The following PAN3 variants were observed in gnomAD, a reference collection of about 807,000 sequenced individuals.
PAN3 encodes PAN2-PAN3 deadenylation complex subunit PAN3.
Under a neutral mutation model 96.2 loss-of-function variants are expected in PAN3, and 19 were observed. That is an observed-to-expected ratio of 0.20 (90% CI 0.14 to 0.29). PAN3 has a LOEUF of 0.29. PAN3 is among the 10% of genes least tolerant of loss of function. The pLI is 1.00. For synonymous variants in PAN3, 433 were observed against 406.6 expected (o/e 1.06, Z -0.78); for missense variants, 882 against 1,108.1 (o/e 0.80, Z 2.90).
chr13:28,246,579 C>G (rs956879902), intron 6 of PAN3, among the ~76,000 whole-genome samples: 1 of 152,140 alleles, frequency 6.6e-6, no homozygotes, highest in African/African-American at 2.4e-5. Flanking sequence ...AGTCCCCCAC[C>G]CACCAACACT....
chr13:28,193,736 T>TAA (rs35597675), intron 4 of PAN3, among the ~76,000 whole-genome samples: 4,625 of 107,970 alleles, frequency 0.043, 327 homozygotes, highest in African/African-American at 0.15. Context: ...GACCCTGACT[T>TAA]AAAAAAAAAA....
At chr13:28,255,844 A>G (rs1885095320) in intron 6 of PAN3, among the ~76,000 whole-genome samples, 1 of 151,912 alleles carries the variant, frequency 6.6e-6, no homozygotes, top group Non-Finnish European at 1.5e-5. Flanking sequence ...TAATACTGTA[A>G]TATATTTGGG....
At chr13:28,242,418 C>T (rs1171678573) in intron 6 of PAN3, among the ~76,000 whole-genome samples, 1 of 152,094 alleles carries the variant, frequency 6.6e-6, no homozygotes, top group Non-Finnish European at 1.5e-5. Context: ...CCCATCTACA[C>T]AGTGTGCCAT....
intron 17 of PAN3, among the ~76,000 whole-genome samples, chr13:28,286,080 T>C (rs1315123110): frequency 3.9e-5 from 6 of 152,222 alleles, no homozygotes; most frequent in Admixed American, 1.3e-4. Flanking sequence ...TATAGAATGT[T>C]GAACCTTTCT....
intron 5 of PAN3, among the ~76,000 whole-genome samples, chr13:28,209,955 T>C (rs1879841562): frequency 6.6e-6 from 1 of 152,074 alleles, no homozygotes; most frequent in East Asian, 1.9e-4. Flanking sequence ...TAATTGTTTT[T>C]AATTTTTAGT....
At chr13:28,147,326 G>A (rs977982141) in intron 1 of PAN3, among the ~76,000 whole-genome samples, 2 of 152,044 alleles carry the variant, frequency 1.3e-5, no homozygotes, top group Non-Finnish European at 2.9e-5. Flanking sequence ...ACGATGATTC[G>A]ACTTCCAGTT....
intron 4 of PAN3, among the ~76,000 whole-genome samples, chr13:28,181,532 CCAAAA>C (rs1435945682): frequency 6.8e-6 from 1 of 146,406 alleles, no homozygotes; most frequent in African/African-American, 2.5e-5. Flanking sequence ...AAAAAAAGGC[CCAAAA>C]CAAAACAAAG....
intron 7 of PAN3, among the ~76,000 whole-genome samples, chr13:28,260,137 C>G (rs370483409): frequency 2.6e-5 from 4 of 152,158 alleles, no homozygotes; most frequent in African/African-American, 9.6e-5. Context: ...TGGCTCACAC[C>G]TGTAATCCCA....
chr13:28,258,369 A>G (rs1466111592), intron 7 of PAN3, among the ~76,000 whole-genome samples: 2 of 152,252 alleles, frequency 1.3e-5, no homozygotes, highest in Admixed American at 6.5e-5. Context: ...TTGATTTTGT[A>G]TCATGGACCA....
chr13:28,193,405 T>C (rs1173368889), intron 4 of PAN3, among the ~76,000 whole-genome samples: 6 of 152,082 alleles, frequency 3.9e-5, no homozygotes, highest in Non-Finnish European at 5.9e-5. Flanking sequence ...CGTAATTTAA[T>C]GAGTGCAGTT....
intron 15 of PAN3, among the ~76,000 whole-genome samples, chr13:28,279,092 G>A (rs1887267533): frequency 2.0e-5 from 3 of 151,894 alleles, no homozygotes. Context: ...GGAGTGAGTA[G>A]GAGGCTGCTT....
At position 28,138,945 on chromosome 13, in the gene PAN3, C is replaced by G; in HGVS notation, c.288C>G (p.Ala96=). The change falls in exon 1 of 19, where the codon GCC becomes GCG. Residue 96 remains alanine, a synonymous_variant. Coordinates refer to ENST00000380958, the MANE Select transcript of PAN3 (RefSeq NM_175854.8). ...VPLALAGAPV[A]GFPPGAVAGG... ...TGGCTCTGGCTGGTGCACCCGTGGCCGGCTTTCCGCCGGGAGCCGTCGCGG... is the reference window on the plus strand; with the variant it reads ...TGGCTCTGGCTGGTGCACCCGTGGCGGGCTTTCCGCCGGGAGCCGTCGCGG... 1 of 1,326,494 alleles carries G rather than the reference C, an allele frequency of 7.5e-7. No individual in the cohort carries two copies. Among genetic ancestry groups the G allele is most frequent in the East Asian group, 3.0e-5 (1 of 33,324 alleles). 82.2% of individuals were successfully genotyped at this position (1,326,494 alleles called of 1,614,324 possible). A position where few individuals can be genotyped will look rare whatever the true frequency, so the allele number is the denominator to read the frequency against.
At chr13:28,222,268 A>G (rs553402616) in intron 6 of PAN3, among the ~76,000 whole-genome samples, 1 of 152,268 alleles carries the variant, frequency 6.6e-6, no homozygotes, top group African/African-American at 2.4e-5. Context: ...ATTGGTCCCA[A>G]TTGGACCTCA....
At chr13:28,280,372 A>C in intron 15 of PAN3, 40 bp from the exon 16 acceptor site, 1 of 1,572,956 alleles carries the variant, frequency 6.4e-7, no homozygotes, top group Non-Finnish European at 8.6e-7. Flanking sequence ...TTTAAATTGC[A>C]TGTTGGACAT....
chr13:28,152,410 C>T (rs1302003294), intron 1 of PAN3, among the ~76,000 whole-genome samples: 2 of 151,938 alleles, frequency 1.3e-5, no homozygotes, highest in Non-Finnish European at 2.9e-5. Flanking sequence ...CTGGTGAAAC[C>T]GTGTCTCTAC....
chr13:28,263,095 TCCA>T (rs1259186194), intron 9 of PAN3, among the ~76,000 whole-genome samples: 4 of 152,162 alleles, frequency 2.6e-5, no homozygotes, highest in Admixed American at 6.6e-5. Context: ...GCCACGACCA[TCCA>T]AGGTACTTTG....
At chr13:28,259,103 T>C (rs984915989) in intron 7 of PAN3, among the ~76,000 whole-genome samples, 5 of 151,904 alleles carry the variant, frequency 3.3e-5, no homozygotes, top group African/African-American at 1.2e-4. Context: ...TTTTACTGTA[T>C]CTGAAGAAAT....
intron 5 of PAN3, among the ~76,000 whole-genome samples, chr13:28,202,555 G>T (rs1329780131): frequency 6.6e-6 from 1 of 151,992 alleles, no homozygotes; most frequent in African/African-American, 2.4e-5. Flanking sequence ...TGTTAACTGA[G>T]CCTGAAAAAT....
At chr13:28,165,774 G>A (rs769784921) in intron 1 of PAN3, among the ~76,000 whole-genome samples, 24 of 152,082 alleles carry the variant, frequency 1.6e-4, no homozygotes, top group Non-Finnish European at 3.4e-4. Flanking sequence ...GGGTTGGTTT[G>A]GTGTCTGATG....
Sources: gnomAD v4.1 joint callset for allele counts (sites outside exome capture counted in the v4.1 genomes callset) on GRCh38, gnomAD v4.1.1 for gene constraint, MANE v1.5 for transcripts, NCBI Gene and HGNC (gene_info 2026-07-23, HGNC 2026-07-21) for gene names.